PTPN21: variants seen among roughly 807,000 people sequenced by gnomAD.
PTPN21 encodes protein tyrosine phosphatase non-receptor type 21.
Under a neutral mutation model 131.8 loss-of-function variants are expected in PTPN21, and 77 were observed. That is an observed-to-expected ratio of 0.58 (90% CI 0.49 to 0.71). The LOEUF (loss-of-function observed/expected upper bound fraction) is 0.71. Ranked by LOEUF, PTPN21 falls within the 30% of genes least tolerant of loss-of-function variation. PTPN21 has a pLI of 0.00. For missense variants in PTPN21, 1,552 were observed against 1,527.1 expected (o/e 1.02, Z -0.27); for synonymous variants, 715 against 621.3 (o/e 1.15, Z -2.24).
intron 2 of PTPN21, among the ~76,000 whole-genome samples, chr14:88,537,267 A>G (rs1006446240): frequency 5.9e-5 from 9 of 152,174 alleles, no homozygotes; most frequent in African/African-American, 1.9e-4. Flanking sequence ...TTTAAGGAAG[A>G]GTCAAATGAT....
At chr14:88,492,584 G>GACTTCCTATAGT (rs2077841491) in intron 10 of PTPN21, among the ~76,000 whole-genome samples, 1 of 152,164 alleles carries the variant, frequency 6.6e-6, no homozygotes, top group Non-Finnish European at 1.5e-5. Flanking sequence ...CCACTGGCCA[G>GACTTCCTATAGT]CTCCCCGTCC....
At position 88,472,446 on chromosome 14, in the gene PTPN21, CGTT is replaced by C; in HGVS notation, c.2666_2668del (p.Gln889del). Reference sequence around the variant, plus strand: ...TGTGAATACCATTCCTTGTTCTAATCGTTGTTCCAGAATTTTACACTATAAAAC... The same window carrying C: ...TGTGAATACCATTCCTTGTTCTAATCGTTCCAGAATTTTACACTATAAAAC... On this transcript the variant is annotated inframe_deletion, in exon 15 of 19. Transcript: ENST00000556564. The C allele has an allele frequency of 1.2e-6, 2 of 1,612,444 alleles. No individual in the cohort carries two copies. Among genetic ancestry groups the C allele is most frequent in the Non-Finnish European group, 1.7e-6 (2 of 1,178,658 alleles).
chr14:88,504,524 T>G, intron 5 of PTPN21, 29 bp from the exon 6 acceptor site: 1 of 1,564,270 alleles, frequency 6.4e-7, no homozygotes, highest in Non-Finnish European at 8.8e-7. Context: ...GGTAAGTATG[T>G]GACAATTCAC....
chr14:88,469,458 C>A lies in PTPN21; in HGVS notation c.3235+41G>T. 1 of 1,501,116 alleles carries A rather than the reference C, an allele frequency of 6.7e-7. No homozygotes were observed. The highest frequency in any genetic ancestry group is 9.3e-7 in the Non-Finnish European group (1 of 1,078,154). 93.0% of individuals were successfully genotyped at this position (1,501,116 alleles called of 1,614,324 possible). A position where few individuals can be genotyped will look rare whatever the true frequency, so the allele number is the denominator to read the frequency against. ...AAATGTTCCTCTCTGTTTAACACCTCCAGAGGCAGCTGTCCTCGGAACAAA... is the reference window on the plus strand; with the variant it reads ...AAATGTTCCTCTCTGTTTAACACCTACAGAGGCAGCTGTCCTCGGAACAAA... On this transcript the variant is annotated intron_variant, in intron 17 of 18. Coordinates refer to ENST00000556564, the MANE Select transcript of PTPN21 (RefSeq NM_007039.4). This position sits in a 1 kb window ranked among gnomAD's most constrained non-coding sequence, Gnocchi z 4.3.
chr14:88,490,695 G>A (rs773303497), intron 10 of PTPN21, among the ~76,000 whole-genome samples: 14 of 152,190 alleles, frequency 9.2e-5, no homozygotes, highest in Non-Finnish European at 2.1e-4. Flanking sequence ...CGGAACCAAG[G>A]TGGACACCGG....
At chr14:88,484,008 T>C (rs1479223491) in intron 12 of PTPN21, among the ~76,000 whole-genome samples, 1 of 151,504 alleles carries the variant, frequency 6.6e-6, no homozygotes, top group Admixed American at 6.6e-5. Flanking sequence ...CAAAGTTATT[T>C]GTGCACTTGT....
chr14:88,482,168 G>A (rs768482198), intron 12 of PTPN21, among the ~76,000 whole-genome samples: 2 of 152,252 alleles, frequency 1.3e-5, no homozygotes, highest in Non-Finnish European at 2.9e-5. Context: ...AAGGGCACCT[G>A]AGGGTGCAGA....
At chr14:88,470,240 T>G (rs1488258796) in intron 15 of PTPN21, 190 bp from the exon 16 acceptor site, 7 of 607,218 alleles carry the variant, frequency 1.2e-5, no homozygotes, top group Non-Finnish European at 2.0e-5. Flanking sequence ...TTTGCATTAC[T>G]GACATTTTTA....
rs185052529 is a variant in PTPN21 at position 88,524,751 on chromosome 14, T to A, written c.181-7490A>T. Among the ~76,000 whole-genome samples the A allele has an allele frequency of 5.7e-3, 859 of 152,028 alleles. 6 individuals are homozygous for A. The highest frequency in any genetic ancestry group is 0.019 in the African/African-American group (777 of 41,492). On this transcript the variant is annotated intron_variant, in intron 2 of 18. Transcript: ENST00000556564. ...AAGACCCTGTCTTTACAAAAAATTT[T>A]AAAGTTAGCTGGGTGTGGTGGCACA...
Position 88,466,909 on chromosome 14 carries a change from C to T in PTPN21, c.*1228G>A, listed in dbSNP as rs936770900. The T allele has an allele frequency of 2.0e-5, 3 of 152,156 alleles. No homozygotes were observed. The highest frequency in any genetic ancestry group is 7.2e-5 in the African/African-American group (3 of 41,434). 9.4% of individuals were successfully genotyped at this position (152,156 alleles called of 1,614,324 possible). On this transcript the variant is annotated 3_prime_UTR_variant, in exon 19 of 19. Coordinates refer to ENST00000556564, the MANE Select transcript of PTPN21 (RefSeq NM_007039.4). ...TTCAACCAAAAGGAAAAATACGCCT[C>T]TTTAAGGCTTCTTTTAATGATACTA... is the stretch of plus-strand genomic sequence containing the variant.
At chr14:88,551,317 CGGAGCCGCGGCCCAGAAGG>C (rs2078864563) in intron 1 of PTPN21, 1 of 152,298 alleles carries the variant, frequency 6.6e-6, no homozygotes, top group Admixed American at 6.5e-5. Context: ...TTCACCTAAG[CGGAGCCGCGGCCCAGAAGG>C]GGAGGCGGGC....
intron 2 of PTPN21, among the ~76,000 whole-genome samples, chr14:88,522,948 AT>A (rs35795303): frequency 4.7e-5 from 7 of 147,840 alleles, no homozygotes; most frequent in African/African-American, 1.5e-4. Context: ...GGGTAAGACC[AT>A]TTTTTTTTTT....
chr14:88,527,741 A>G (rs1039783655), intron 2 of PTPN21, among the ~76,000 whole-genome samples: 3 of 152,140 alleles, frequency 2.0e-5, no homozygotes, highest in African/African-American at 7.2e-5. Flanking sequence ...GCCAATGTCT[A>G]GAAGGATTTT....
intron 6 of PTPN21, among the ~76,000 whole-genome samples, chr14:88,502,055 G>A (rs764164916): frequency 6.6e-6 from 1 of 152,136 alleles, no homozygotes; most frequent in Non-Finnish European, 1.5e-5. Flanking sequence ...AGGGAATAAG[G>A]GTACGAGGAG....
intron 2 of PTPN21, among the ~76,000 whole-genome samples, chr14:88,518,684 G>A (rs952728022): frequency 2.0e-5 from 3 of 150,728 alleles, no homozygotes; most frequent in African/African-American, 7.3e-5. Context: ...GCCCACCTCG[G>A]CCTCCCAAAG....
At chr14:88,512,133 GT>G (rs2078196008) in intron 3 of PTPN21, among the ~76,000 whole-genome samples, 1 of 152,074 alleles carries the variant, frequency 6.6e-6, no homozygotes, top group Admixed American at 6.6e-5. Context: ...TGCCTACCAC[GT>G]TTTCTGCATC....
chr14:88,523,232 A>C (rs1207503213), intron 2 of PTPN21, among the ~76,000 whole-genome samples: 3 of 152,134 alleles, frequency 2.0e-5, no homozygotes, highest in Non-Finnish European at 4.4e-5. Flanking sequence ...AGCACACTAA[A>C]AGGATTATAC....
At chr14:88,541,184 A>G (rs2078700306) in intron 2 of PTPN21, among the ~76,000 whole-genome samples, 1 of 152,204 alleles carries the variant, frequency 6.6e-6, no homozygotes, top group South Asian at 2.1e-4. Context: ...TTTCTACTAC[A>G]TGCTACCAAT....
intron 11 of PTPN21, 86 bp from the exon 12 acceptor site, chr14:88,485,246 TA>T (rs759221331): frequency 1.9e-5 from 15 of 782,642 alleles, no homozygotes; most frequent in Non-Finnish European, 2.7e-5. Flanking sequence ...TTCTTTCTGT[TA>T]AAAAAACTTC....
Sources: allele counts gnomAD v4.1 joint callset (sites outside exome capture counted in the v4.1 genomes callset), GRCh38; gene constraint gnomAD v4.1.1; non-coding constraint Gnocchi (gnomAD v3.1); transcripts MANE v1.5; gene names NCBI Gene and HGNC (gene_info 2026-07-23, HGNC 2026-07-21).